The following PITPNC1 variants were observed in gnomAD, a reference collection of about 807,000 sequenced individuals.
PITPNC1 encodes the protein cytoplasmic phosphatidylinositol transfer protein 1.
Under a neutral mutation model 44.7 loss-of-function variants are expected in PITPNC1, and 18 were observed. That is an observed-to-expected ratio of 0.40 (90% CI 0.28 to 0.60). The LOEUF (loss-of-function observed/expected upper bound fraction) is 0.60, where lower values mean the gene tolerates loss of function less well. Among genes scored for constraint, PITPNC1 ranks in the 20% least tolerant of loss-of-function variants. The pLI is 0.39. For synonymous variants in PITPNC1, 141 were observed against 149.6 expected (o/e 0.94, Z 0.42); for missense variants, 290 against 418.4 (o/e 0.69, Z 2.68).
At chr17:67,532,419 C>T (rs2040474012) in intron 1 of PITPNC1, among the ~76,000 whole-genome samples, 2 of 152,206 alleles carry the variant, frequency 1.3e-5, no homozygotes, top group Middle Eastern at 3.4e-3. Context: ...AAAGCAGGGG[C>T]AGAAATCACA....
intron 1 of PITPNC1, among the ~76,000 whole-genome samples, chr17:67,516,998 A>AG (rs2144100553): frequency 6.3e-5 from 1 of 15,942 alleles, no homozygotes; most frequent in African/African-American, 3.2e-4. Flanking sequence ...CTCTGTTCCT[A>AG]CCCCTTGCAC....
chr17:67,567,031 T>C (rs1182828904), intron 4 of PITPNC1, among the ~76,000 whole-genome samples: 3 of 152,194 alleles, frequency 2.0e-5, no homozygotes, highest in Admixed American at 6.5e-5. Flanking sequence ...CTAATATATA[T>C]CAAATACTCG....
chr17:67,384,407 C>T (rs1248629922), intron 1 of PITPNC1, among the ~76,000 whole-genome samples: 1 of 151,110 alleles, frequency 6.6e-6, no homozygotes, highest in African/African-American at 2.4e-5. Flanking sequence ...TGCCAAAATG[C>T]CCAACAGTGT....
rs1293393379 is a variant in PITPNC1 at position 67,655,560 on chromosome 17, A to AAAC, written c.463-13946_463-13945insCAA. ...GGACAACAGAGAGAGACTCATCTCA[A>AAAC]AAAAAAAAAAAAAAAAAAAAAAGCA... On this transcript the variant is annotated intron_variant, in intron 6 of 8. Transcript: ENST00000581322. Among the ~76,000 whole-genome samples, 923 of 117,658 alleles carry AAAC rather than the reference A, an allele frequency of 7.8e-3. 14 individuals are homozygous for AAAC. The highest frequency in any genetic ancestry group is 0.032 in the African/African-American group (868 of 27,276). 77.2% of individuals were successfully genotyped at this position (117,658 alleles called of 152,430 possible).
intron 1 of PITPNC1, among the ~76,000 whole-genome samples, chr17:67,519,878 G>A (rs185223395): frequency 1.1e-3 from 161 of 152,326 alleles, no homozygotes; most frequent in Non-Finnish European, 1.9e-3. Context: ...ATTTAGGTAA[G>A]CAAAGGAGTC....
At chr17:67,472,788 C>T (rs1046814165) in intron 1 of PITPNC1, among the ~76,000 whole-genome samples, 1 of 152,142 alleles carries the variant, frequency 6.6e-6, no homozygotes, top group African/African-American at 2.4e-5. Context: ...AAGTGAGTCA[C>T]TCAGGGGAGG....
chr17:67,645,407 G>A (rs77854440), intron 6 of PITPNC1, among the ~76,000 whole-genome samples: 25 of 151,726 alleles, frequency 1.6e-4, no homozygotes, highest in Admixed American at 1.2e-3. Flanking sequence ...AGGAGCTCCT[G>A]GTTAAGATGA....
intron 1 of PITPNC1, among the ~76,000 whole-genome samples, chr17:67,515,988 A>G (rs1202905433): frequency 1.3e-5 from 2 of 152,012 alleles, no homozygotes; most frequent in Non-Finnish European, 2.9e-5. Flanking sequence ...GCTTCCTTTC[A>G]TGGTTGTGTG....
chr17:67,429,136 C>T (rs758601565), intron 1 of PITPNC1, among the ~76,000 whole-genome samples: 8 of 151,876 alleles, frequency 5.3e-5, no homozygotes, highest in East Asian at 1.9e-4. Flanking sequence ...CCACCACGCC[C>T]GGCTTTTTTA....
chr17:67,610,452 G>C (rs1041011701), intron 5 of PITPNC1, among the ~76,000 whole-genome samples: 8 of 152,122 alleles, frequency 5.3e-5, no homozygotes, highest in African/African-American at 1.4e-4. Context: ...AATAAACTTA[G>C]TAAATGGGCT....
At chr17:67,642,115 A>C (rs1336895437) in intron 6 of PITPNC1, among the ~76,000 whole-genome samples, 1 of 152,186 alleles carries the variant, frequency 6.6e-6, no homozygotes, top group East Asian at 1.9e-4. Flanking sequence ...GATGGAATGG[A>C]CAGTGTAGTG....
chr17:67,578,192 T>C lies in PITPNC1; in HGVS notation c.301T>C (p.Phe101Leu). 1 of 1,610,398 alleles carries C rather than the reference T, an allele frequency of 6.2e-7. No homozygotes were observed. The highest frequency in any genetic ancestry group is 1.1e-5 in the South Asian group (1 of 90,980). ...ATTTGCTTTTCTCCCACAGTGTTCC[T>C]TTCTGCCGAAATTCTCCATTCATAT... ...PYTITEYTCS[F>L]LPKFSIHIET... The change falls in exon 5 of 9, where the codon TTT becomes CTT. Residue 101 changes from phenylalanine to leucine, a missense_variant. By Grantham distance (22) the Phe-to-Leu change is conservative. Coordinates refer to ENST00000581322, the MANE Select transcript of PITPNC1 (RefSeq NM_012417.4).
At chr17:67,497,313 C>T (rs1001290703) in intron 1 of PITPNC1, among the ~76,000 whole-genome samples, 1 of 151,466 alleles carries the variant, frequency 6.6e-6, no homozygotes. Context: ...TCCGATTCCC[C>T]AGCCTCAGCC....
At chr17:67,549,356 A>T (rs975569952) in intron 2 of PITPNC1, among the ~76,000 whole-genome samples, 2 of 152,208 alleles carry the variant, frequency 1.3e-5, no homozygotes, top group African/African-American at 4.8e-5. Context: ...TCGTGTGGGG[A>T]TAGAGCGAGA....
chr17:67,526,504 G>A (rs1265737932), intron 1 of PITPNC1, among the ~76,000 whole-genome samples: 1 of 152,134 alleles, frequency 6.6e-6, no homozygotes, highest in Non-Finnish European at 1.5e-5. Context: ...TGAGGCGGGA[G>A]GATCACCTGA....
At chr17:67,531,795 T>C (rs1399496154) in intron 1 of PITPNC1, among the ~76,000 whole-genome samples, 1 of 152,022 alleles carries the variant, frequency 6.6e-6, no homozygotes, top group South Asian at 2.1e-4. Flanking sequence ...TGACCCAGGG[T>C]CTGTCTCTAG....
intron 1 of PITPNC1, among the ~76,000 whole-genome samples, chr17:67,401,486 G>C (rs892432804): frequency 6.6e-6 from 1 of 152,076 alleles, no homozygotes; most frequent in Non-Finnish European, 1.5e-5. Flanking sequence ...TTTCAGGATC[G>C]TTTCTACCAC....
At chr17:67,682,387 T>C (rs2042726440) in intron 8 of PITPNC1, among the ~76,000 whole-genome samples, 2 of 152,210 alleles carry the variant, frequency 1.3e-5, no homozygotes, top group African/African-American at 4.8e-5. Flanking sequence ...AGCTGATGGT[T>C]GAGGAGGAGA....
At chr17:67,672,988 G>A (rs556752882) in intron 7 of PITPNC1, among the ~76,000 whole-genome samples, 6 of 152,220 alleles carry the variant, frequency 3.9e-5, no homozygotes, top group South Asian at 4.1e-4. Context: ...GTTGTGCTTC[G>A]TGTAATAGGG....
Sources: allele counts gnomAD v4.1 joint callset (sites outside exome capture counted in the v4.1 genomes callset), GRCh38; gene constraint gnomAD v4.1.1; transcripts MANE v1.5; gene names NCBI Gene and HGNC (gene_info 2026-07-23, HGNC 2026-07-21).